Variants in GRM8 observed in about 807,000 individuals in gnomAD.
The protein encoded by GRM8 is glutamate metabotropic receptor 8.
Under a neutral mutation model 87.2 loss-of-function variants are expected in GRM8, and 47 were observed. The observed-to-expected ratio is 0.54, with a 90% CI of 0.43 to 0.69. GRM8 has a LOEUF of 0.69. GRM8 is among the 30% of genes least tolerant of loss of function. The pLI is 0.00. For synonymous variants in GRM8, 396 were observed against 404.5 expected (o/e 0.98, Z 0.25); for missense variants, 1,019 against 1,139.2 (o/e 0.89, Z 1.52).
intron 9 of GRM8, among the ~76,000 whole-genome samples, chr7:126,454,911 C>G (rs370189143): frequency 6.6e-6 from 1 of 151,542 alleles, no homozygotes; most frequent in East Asian, 2.0e-4. Flanking sequence ...TTTAAACCAC[C>G]CTGTGTGTGA....
chr7:126,542,786 G>T (rs904640475), intron 8 of GRM8, among the ~76,000 whole-genome samples: 2 of 152,146 alleles, frequency 1.3e-5, no homozygotes, highest in Non-Finnish European at 2.9e-5. Flanking sequence ...TAATTTTAGA[G>T]AAATCACTGT....
intron 6 of GRM8, among the ~76,000 whole-genome samples, chr7:126,898,861 A>C (rs1801794116): frequency 6.6e-6 from 1 of 152,190 alleles, no homozygotes; most frequent in East Asian, 1.9e-4. Flanking sequence ...TGCTGCACCC[A>C]TCAACCCATC....
chr7:127,247,833 G>C (rs1267022975), intron 1 of GRM8, among the ~76,000 whole-genome samples: 1 of 152,106 alleles, frequency 6.6e-6, no homozygotes, highest in Non-Finnish European at 1.5e-5. Flanking sequence ...TCAAACATCA[G>C]AGCAAGGCTT....
intron 7 of GRM8, among the ~76,000 whole-genome samples, chr7:126,721,550 G>A (rs1812394862): frequency 6.6e-6 from 1 of 151,686 alleles, no homozygotes; most frequent in Non-Finnish European, 1.5e-5. Context: ...ATTTTCCCAG[G>A]TTCATCAAAA....
At chr7:127,129,033 C>T (rs1261033928) in intron 2 of GRM8, among the ~76,000 whole-genome samples, 2 of 152,132 alleles carry the variant, frequency 1.3e-5, no homozygotes, top group Admixed American at 6.6e-5. Flanking sequence ...TTCATAATGA[C>T]TCCTTATTCA....
At chr7:126,556,312 A>G (rs922074766) in intron 8 of GRM8, among the ~76,000 whole-genome samples, 1 of 149,212 alleles carries the variant, frequency 6.7e-6, no homozygotes, top group Non-Finnish European at 1.5e-5. Flanking sequence ...TACTAGAGTG[A>G]CAATGGAGAA....
intron 3 of GRM8, among the ~76,000 whole-genome samples, chr7:126,980,119 G>C (rs537715580): frequency 1.5e-4 from 23 of 152,284 alleles, no homozygotes; most frequent in African/African-American, 5.5e-4. Context: ...ATTGTTCTTG[G>C]ACTTGGGCAG....
intron 3 of GRM8, among the ~76,000 whole-genome samples, chr7:126,930,815 A>T (rs1320352645): frequency 2.6e-5 from 4 of 152,122 alleles, no homozygotes; most frequent in African/African-American, 9.7e-5. Context: ...CTTGCAACTG[A>T]GGTGTATTTT....
chr7:126,896,808 ATC>A (rs201739754), intron 6 of GRM8, among the ~76,000 whole-genome samples: 2,680 of 152,256 alleles, frequency 0.018, 62 homozygotes, highest in African/African-American at 0.049. Flanking sequence ...ACTATTTTGT[ATC>A]TGAGTGTCAG....
intron 3 of GRM8, among the ~76,000 whole-genome samples, chr7:127,097,529 C>T (rs1407522193): frequency 6.6e-6 from 1 of 152,180 alleles, no homozygotes; most frequent in Non-Finnish European, 1.5e-5. Flanking sequence ...TTTCAAATAT[C>T]CTGCACACCA....
At chr7:127,031,912 G>A (rs1817412502) in intron 3 of GRM8, among the ~76,000 whole-genome samples, 1 of 152,028 alleles carries the variant, frequency 6.6e-6, no homozygotes, top group Non-Finnish European at 1.5e-5. Context: ...TGTGTCTGGG[G>A]CAGTGACAGT....
rs1481342450 is a variant in GRM8 at position 127,134,506 on chromosome 7, TG to T, written c.511-27795del. 5.9e-5 allele frequency among the ~76,000 whole-genome samples: 9 copies of T among 152,212 alleles called. No individual in the cohort carries two copies. In the South Asian group the frequency reaches 1.9e-3, roughly 32 times the overall value. On this transcript the variant is annotated intron_variant, in intron 2 of 10. Coordinates refer to ENST00000339582, the MANE Select transcript of GRM8 (RefSeq NM_000845.3). ...CAACAAAGAAAGTGTGAGAACCAAA[TG>T]GGATTATTTGAAGCATGAACTAAAA...
intron 2 of GRM8, among the ~76,000 whole-genome samples, chr7:127,154,296 C>G (rs1020546787): frequency 6.6e-6 from 1 of 152,134 alleles, no homozygotes; most frequent in African/African-American, 2.4e-5. Context: ...CCTCCAGCTG[C>G]TTCCTGCTAC....
chr7:126,880,622 T>C (rs1231572429), intron 6 of GRM8, among the ~76,000 whole-genome samples: 1 of 152,242 alleles, frequency 6.6e-6, no homozygotes, highest in Non-Finnish European at 1.5e-5. Flanking sequence ...CTTACACCAA[T>C]TTAAAGCAAA....
chr7:126,863,581 C>T (rs1045183277), intron 6 of GRM8, among the ~76,000 whole-genome samples: 5 of 152,070 alleles, frequency 3.3e-5, no homozygotes, highest in African/African-American at 7.2e-5. Flanking sequence ...CCTATAACCA[C>T]CACAAAAAAA....
At chr7:126,796,191 C>T (rs1424221096) in intron 6 of GRM8, among the ~76,000 whole-genome samples, 1 of 151,994 alleles carries the variant, frequency 6.6e-6, no homozygotes, top group Non-Finnish European at 1.5e-5. Context: ...GAGAAAAGTA[C>T]ACGCCCATTT....
At chr7:127,001,835 A>G (rs1054148202) in intron 3 of GRM8, among the ~76,000 whole-genome samples, 1 of 151,654 alleles carries the variant, frequency 6.6e-6, no homozygotes, top group African/African-American at 2.4e-5. Flanking sequence ...CATCCTTTCA[A>G]TGGAATACTA....
intron 9 of GRM8, chr7:126,511,580 G>A (rs948208661): frequency 2.9e-4 from 44 of 152,124 alleles, no homozygotes; most frequent in Admixed American, 2.8e-3. Context: ...TTACCACCAA[G>A]GAGATGAAGA....
At chr7:127,075,169 G>A (rs1822127959) in intron 3 of GRM8, among the ~76,000 whole-genome samples, 1 of 152,194 alleles carries the variant, frequency 6.6e-6, no homozygotes, top group Non-Finnish European at 1.5e-5. Flanking sequence ...GATCTCAGGG[G>A]TAAAGGTGGG....
Sources: gnomAD v4.1 joint callset for allele counts (sites outside exome capture counted in the v4.1 genomes callset) on GRCh38, gnomAD v4.1.1 for gene constraint, MANE v1.5 for transcripts, NCBI Gene and HGNC (gene_info 2026-07-23, HGNC 2026-07-21) for gene names.